The following PHF10 variants were observed in gnomAD, a reference collection of about 807,000 sequenced individuals.
The protein encoded by PHF10 is BRG1-associated factor 45a.
Under a neutral mutation model 68.5 loss-of-function variants are expected in PHF10, and 51 were observed. The observed-to-expected ratio is 0.74, with a 90% CI of 0.59 to 0.94. The LOEUF (loss-of-function observed/expected upper bound fraction) is 0.94. PHF10 is among the 40% of genes least tolerant of loss of function. The pLI, the probability that PHF10 is intolerant of heterozygous loss-of-function variation, is 0.00. For missense variants in PHF10, 460 were observed against 602.6 expected (o/e 0.76, Z 2.48); for synonymous variants, 204 against 203.5 (o/e 1.00, Z -0.02).
intron 10 of PHF10, 71 bp from the exon 11 acceptor site, chr6:169,705,392 G>T: frequency 9.3e-7 from 1 of 1,073,126 alleles, no homozygotes; most frequent in Non-Finnish European, 1.4e-6. Flanking sequence ...TAAAATACTA[G>T]TTTGCTTTAG....
At chr6:169,705,544 A>C in intron 10 of PHF10, 72 bp downstream of exon 10, 1 of 914,946 alleles carries the variant, frequency 1.1e-6, no homozygotes, top group Non-Finnish European at 1.8e-6. Flanking sequence ...AATCTGCCTG[A>C]AACTATAAAT....
rs759057378 is a variant in PHF10, at chr6:169,714,858, G to A, written c.694-16C>T. ...CCTGGATAACCTACGTTAACATAAA[G>A]AGAAACACAAAACTGATTCCATGCT... On this transcript the variant is annotated splice_polypyrimidine_tract_variant and intron_variant, in intron 6 of 11. Coordinates refer to ENST00000339209, the MANE Select transcript of PHF10 (RefSeq NM_018288.4). The A allele has an allele frequency of 2.5e-5, 31 of 1,229,096 alleles. No homozygotes were observed. Among genetic ancestry groups the A allele is most frequent in the Non-Finnish European group, 3.6e-5 (30 of 828,564 alleles). 76.1% of individuals were successfully genotyped at this position (1,229,096 alleles called of 1,614,324 possible). A position where few individuals can be genotyped will look rare whatever the true frequency, so the allele number is the denominator to read the frequency against.
At chr6:169,710,867 A>C (rs913845835) in intron 8 of PHF10, among the ~76,000 whole-genome samples, 2 of 152,102 alleles carry the variant, frequency 1.3e-5, no homozygotes, top group Non-Finnish European at 2.9e-5. Context: ...CTTCAAGTAC[A>C]CATTTGTGTT....
At chr6:169,711,781 T>C (rs976396909) in intron 8 of PHF10, among the ~76,000 whole-genome samples, 2 of 152,208 alleles carry the variant, frequency 1.3e-5, no homozygotes, top group African/African-American at 4.8e-5. Flanking sequence ...AATGAAAAGT[T>C]TGAAATAGCC....
chr6:169,713,711 C>G (rs1484728879), intron 7 of PHF10, among the ~76,000 whole-genome samples: 1 of 151,872 alleles, frequency 6.6e-6, no homozygotes, highest in East Asian at 1.9e-4. Context: ...CAAGATTTGA[C>G]TTTCAAATGG....
intron 2 of PHF10, among the ~76,000 whole-genome samples, chr6:169,720,029 G>A (rs1028608328): frequency 4.0e-5 from 6 of 151,776 alleles, no homozygotes; most frequent in African/African-American, 1.5e-4. Context: ...TGTCTCCAAA[G>A]AAGCTATACA....
In PHF10 at chr6:169,715,741, T is replaced by C. The variant is rs1280448747; in HGVS notation, c.660A>G (p.Glu220=). 1 of 1,612,622 alleles carries C rather than the reference T, an allele frequency of 6.2e-7. No homozygotes were observed. Among genetic ancestry groups the C allele is most frequent in the East Asian group, 2.2e-5 (1 of 44,886 alleles). ...FNSNLNRERM[E]ERRAYFDLQT... is the part of the protein sequence containing the mutation. ...GCAAGTCAAAATAAGCTCTTCTTTC[T>C]TCCATGCGTTCCCGGTTTAAGTTGC... The change falls in exon 6 of 12, where the codon GAA becomes GAG. Residue 220 remains glutamate, a synonymous_variant. Coordinates refer to ENST00000339209, the MANE Select transcript of PHF10 (RefSeq NM_018288.4).
intron 6 of PHF10, 80 bp from the exon 7 acceptor site, chr6:169,714,922 C>A: frequency 1.3e-6 from 1 of 776,132 alleles, no homozygotes; most frequent in Non-Finnish European, 2.3e-6. Context: ...ACGTGCTCAC[C>A]ACTGCACGCC....
In PHF10 at chr6:169,714,913, C is replaced by T. The variant is rs192890725; in HGVS notation, c.694-71G>A. 2.7e-3 allele frequency: 2,253 copies of T among 834,540 alleles called. 13 individuals are homozygous for T. Among genetic ancestry groups the T allele is most frequent in the Middle Eastern group, 0.013 (60 of 4,528 alleles). 51.7% of individuals were successfully genotyped at this position (834,540 alleles called of 1,614,324 possible). On this transcript the variant is annotated intron_variant, in intron 6 of 11. Coordinates refer to ENST00000339209, the MANE Select transcript of PHF10 (RefSeq NM_018288.4). ...ATCAAGGCTTTAGGAAGAGTCCCCA[C>T]GTGCTCACCACTGCACGCCCACTTC... is the stretch of plus-strand genomic sequence containing the variant.
chr6:169,716,499 T>C (rs1390425470), intron 4 of PHF10, among the ~76,000 whole-genome samples: 1 of 151,448 alleles, frequency 6.6e-6, no homozygotes, highest in Non-Finnish European at 1.5e-5. Context: ...AATATTACAA[T>C]CAATTAAAAT....
chr6:169,707,045 G>C (rs1447401477), intron 9 of PHF10: 2 of 151,798 alleles, frequency 1.3e-5, no homozygotes, highest in African/African-American at 4.8e-5. Context: ...AGAATTTTTG[G>C]CTTATTTATT....
chr6:169,724,453 G>C lies in PHF10; in HGVS notation c.-522C>G, dbSNP rs1432038800. Among the ~76,000 whole-genome samples the C allele has an allele frequency of 7.0e-5, 6 of 86,074 alleles. No individual in the cohort carries two copies. The highest frequency in any genetic ancestry group is 2.3e-4 in the African/African-American group (5 of 21,518). The allele number at this position is 86,074 out of a possible 152,430, so 56.5% of individuals were successfully genotyped here. ...CGCCGCTCCCCTCAGCCCCGCGGCC[G>C]CCTCAGCCCCGCCGCCGCCTGGCTC... On this transcript the variant is annotated 5_prime_UTR_variant, in exon 1 of 12. Transcript: ENST00000339209.
In PHF10 at chr6:169,704,214, G is replaced by A. The variant is rs1788689125; in HGVS notation, c.1412-126C>T. The A allele has an allele frequency of 8.0e-6, 5 of 626,990 alleles. No individual in the cohort carries two copies. In the South Asian group the frequency reaches 1.3e-4, roughly 17 times the overall value. 38.8% of individuals were successfully genotyped at this position (626,990 alleles called of 1,614,324 possible). The stretch of plus-strand genomic sequence containing the variant: ...CCTCTCTGGATTTTGTGGTGAGAAG[G>A]GCACTATGAGTTCCTTAATTTAAGG... On this transcript the variant is annotated intron_variant, in intron 11 of 11. Coordinates refer to ENST00000339209, the MANE Select transcript of PHF10 (RefSeq NM_018288.4).
chr6:169,712,543 A>C lies in PHF10; in HGVS notation c.804-4T>G. 1.2e-6 allele frequency: 2 copies of C among 1,601,054 alleles called. No homozygotes were observed. The highest frequency in any genetic ancestry group is 1.7e-6 in the Non-Finnish European group (2 of 1,176,532). ...CCGCAGCTCATCTGGTGAGTACCTG[A>C]AGTTCAGAGAGTTTATTTTTGGTTT... On this transcript the variant is annotated splice_region_variant and splice_polypyrimidine_tract_variant and intron_variant, in intron 7 of 11. Transcript: ENST00000339209.
intron 11 of PHF10, 47 bp downstream of exon 11, chr6:169,705,086 G>A: frequency 7.0e-7 from 1 of 1,423,146 alleles, no homozygotes; most frequent in South Asian, 1.4e-5. Flanking sequence ...AGTGCTGGGA[G>A]AGTCTCATCA....
chr6:169,720,381 G>A (rs1028973912), intron 2 of PHF10, among the ~76,000 whole-genome samples: 7 of 152,082 alleles, frequency 4.6e-5, no homozygotes, highest in Non-Finnish European at 1.0e-4. Flanking sequence ...ATTCACCTTG[G>A]CCAGAAGGTG....
intron 9 of PHF10, among the ~76,000 whole-genome samples, chr6:169,706,728 AC>A (rs1788805298): frequency 1.5e-4 from 1 of 6,598 alleles, no homozygotes; most frequent in East Asian, 0.031. Context: ...ATACATACAT[AC>A]ACACACACAC....
intron 7 of PHF10, among the ~76,000 whole-genome samples, chr6:169,714,330 C>T (rs1174866903): frequency 1.3e-5 from 2 of 152,324 alleles, no homozygotes; most frequent in Non-Finnish European, 2.9e-5. Flanking sequence ...CTCTAACCTG[C>T]ACATGAATCA....
chr6:169,714,132 G>T (rs1788990401), intron 7 of PHF10, among the ~76,000 whole-genome samples: 1 of 150,402 alleles, frequency 6.6e-6, no homozygotes, highest in Non-Finnish European at 1.5e-5. Context: ...AAAAAAAAAA[G>T]AATCTGTTAG....
Sources: gnomAD v4.1 joint callset for allele counts (sites outside exome capture counted in the v4.1 genomes callset) on GRCh38, gnomAD v4.1.1 for gene constraint, MANE v1.5 for transcripts, NCBI Gene and HGNC (gene_info 2026-07-23, HGNC 2026-07-21) for gene names.